Variants in SYT17 observed in about 807,000 individuals in gnomAD.
The protein encoded by SYT17 is synaptotagmin 17, also known as synaptotagmin-17.
Under a neutral mutation model 46.7 loss-of-function variants are expected in SYT17, and 22 were observed. The observed-to-expected ratio is 0.47, with a 90% CI of 0.34 to 0.67. SYT17 has a LOEUF of 0.67. Ranked by LOEUF, SYT17 falls within the 30% of genes least tolerant of loss-of-function variation. The pLI is 0.01. For missense variants in SYT17, 519 were observed against 612.8 expected (o/e 0.85, Z 1.62); for synonymous variants, 251 against 248.4 (o/e 1.01, Z -0.10).
intron 7 of SYT17, among the ~76,000 whole-genome samples, chr16:19,258,857 G>C (rs774746748): frequency 6.6e-6 from 1 of 152,074 alleles, no homozygotes; most frequent in Non-Finnish European, 1.5e-5. Flanking sequence ...ATCCACTGAC[G>C]TCCTTAGCCC....
At position 19,176,708 on chromosome 16, in the gene SYT17, C is replaced by T. The variant is rs74653802; in HGVS notation, c.182+3130C>T. On this transcript the variant is annotated intron_variant, in intron 3 of 7. Transcript: ENST00000355377. Reference sequence around the variant, plus strand: ...AGACATCACCCCTTGTAGAGATAGGCGTCTCATTGTGTTGCCCAGGCTGGT... The same window carrying T: ...AGACATCACCCCTTGTAGAGATAGGTGTCTCATTGTGTTGCCCAGGCTGGT... Among the ~76,000 whole-genome samples, 1,411 of 152,174 alleles carry T rather than the reference C, an allele frequency of 9.3e-3. 29 individuals are homozygous for T. The highest frequency in any genetic ancestry group is 0.033 in the African/African-American group (1,352 of 41,518).
chr16:19,249,500 G>C (rs567117389), intron 7 of SYT17, among the ~76,000 whole-genome samples: 1 of 152,214 alleles, frequency 6.6e-6, no homozygotes, highest in Admixed American at 6.5e-5. Context: ...CATCAAATTA[G>C]ATACTTGGAA....
intron 7 of SYT17, among the ~76,000 whole-genome samples, chr16:19,242,870 G>A (rs892092843): frequency 6.6e-6 from 1 of 152,084 alleles, no homozygotes; most frequent in Non-Finnish European, 1.5e-5. Context: ...GTGTGCCTAA[G>A]GCTGATAGGC....
rs114963214 is a variant in SYT17, at chr16:19,186,843, C to T, written c.951+2696C>T. 5.6e-3 allele frequency among the ~76,000 whole-genome samples: 849 copies of T among 152,084 alleles called. 9 individuals are homozygous for T. Among genetic ancestry groups the T allele is most frequent in the African/African-American group, 0.019 (789 of 41,496 alleles). ...ATCTGCTCATTTCTTCATTCTGTTT[C>T]TCTTGAGGTCCTATTATGTGCCCGG... On this transcript the variant is annotated intron_variant, in intron 5 of 7. Transcript: ENST00000355377.
chr16:19,204,378 T>C (rs1965584375), intron 5 of SYT17, among the ~76,000 whole-genome samples: 1 of 151,772 alleles, frequency 6.6e-6, no homozygotes. Context: ...TGGACAGGCA[T>C]GGGGGGCTTG....
chr16:19,203,805 C>T (rs2142752217), intron 5 of SYT17, among the ~76,000 whole-genome samples: 1 of 152,344 alleles, frequency 6.6e-6, no homozygotes, highest in Middle Eastern at 3.4e-3. Flanking sequence ...CACAGGAAAG[C>T]ACGTGGCAGG....
chr16:19,212,396 A>G (rs903061656), intron 5 of SYT17, among the ~76,000 whole-genome samples: 2 of 152,086 alleles, frequency 1.3e-5, no homozygotes, highest in East Asian at 3.9e-4. Flanking sequence ...CAAGGTGGGC[A>G]GATCACTTGA....
chr16:19,235,968 AC>A lies in SYT17; in HGVS notation c.1228+11131del, dbSNP rs1460606897. On this transcript the variant is annotated intron_variant, in intron 7 of 7. Coordinates refer to ENST00000355377, the MANE Select transcript of SYT17 (RefSeq NM_016524.4). ...ATCAAAAAGGTTTAATGTTCATGTC[AC>A]ATGGATTCCAGAACATTTATGTCAC... Among the ~76,000 whole-genome samples the A allele has an allele frequency of 5.3e-5, 8 of 152,336 alleles. No homozygotes were observed. In the East Asian group the frequency reaches 1.5e-3, roughly 29 times the overall value.
intron 5 of SYT17, chr16:19,211,292 A>AG (rs113001440): frequency 1.6e-6 from 1 of 638,532 alleles, no homozygotes; most frequent in African/African-American, 1.8e-5. Context: ...TGGATAGGAC[A>AG]GGGGGTGGAA....
intron 5 of SYT17, among the ~76,000 whole-genome samples, chr16:19,219,123 CCG>C (rs1282861188): frequency 1.3e-4 from 1 of 7,708 alleles, no homozygotes; most frequent in African/African-American, 1.7e-3. Context: ...TAAAACAAGG[CCG>C]GGCGCGGTGG....
intron 3 of SYT17, among the ~76,000 whole-genome samples, chr16:19,175,322 A>C (rs747229093): frequency 6.6e-5 from 10 of 152,068 alleles, no homozygotes; most frequent in Non-Finnish European, 1.3e-4. Flanking sequence ...AGGTGTGTGT[A>C]GAGTTGAGAT....
intron 4 of SYT17, among the ~76,000 whole-genome samples, chr16:19,181,867 C>T (rs941264472): frequency 2.6e-5 from 4 of 151,870 alleles, no homozygotes; most frequent in Admixed American, 6.6e-5. Context: ...GGCATGGTAG[C>T]GCATGCCTGT....
chr16:19,195,973 G>A (rs528739603), intron 5 of SYT17, among the ~76,000 whole-genome samples: 2 of 152,050 alleles, frequency 1.3e-5, no homozygotes, highest in African/African-American at 4.8e-5. Flanking sequence ...TGACAGAGCC[G>A]GACCCTGTCT....
At chr16:19,201,413 G>A (rs938847034) in intron 5 of SYT17, among the ~76,000 whole-genome samples, 1 of 152,118 alleles carries the variant, frequency 6.6e-6, no homozygotes, top group African/African-American at 2.4e-5. Context: ...TTACACAGTA[G>A]GTTATCAGAA....
At chr16:19,206,403 C>T (rs764536757) in intron 5 of SYT17, among the ~76,000 whole-genome samples, 5 of 152,160 alleles carry the variant, frequency 3.3e-5, no homozygotes, top group African/African-American at 4.8e-5. Flanking sequence ...AGCGGCATGG[C>T]TGAGGTCACA....
chr16:19,220,307 T>C (rs12930640), intron 5 of SYT17, among the ~76,000 whole-genome samples: 5 of 47,836 alleles, frequency 1.0e-4, no homozygotes, highest in Non-Finnish European at 1.7e-4. Flanking sequence ...TTCTTTCTTT[T>C]TTTTTTTTTT....
chr16:19,197,498 G>C (rs1176747992), intron 5 of SYT17, among the ~76,000 whole-genome samples: 1 of 151,752 alleles, frequency 6.6e-6, no homozygotes, highest in Non-Finnish European at 1.5e-5. Flanking sequence ...GCCCAGAATG[G>C]AGTGCAGTGG....
At chr16:19,198,595 A>G in intron 5 of SYT17, among the ~76,000 whole-genome samples, 1 of 152,228 alleles carries the variant, frequency 6.6e-6, no homozygotes, top group East Asian at 1.9e-4. Flanking sequence ...AGTTTGAGTA[A>G]CTTACCCAAG....
intron 7 of SYT17, among the ~76,000 whole-genome samples, chr16:19,235,037 A>G (rs977484983): frequency 6.6e-6 from 1 of 152,146 alleles, no homozygotes; most frequent in Admixed American, 6.6e-5. Context: ...GATTGGCAGT[A>G]TGGGGAGATA....
Sources: allele counts gnomAD v4.1 joint callset (sites outside exome capture counted in the v4.1 genomes callset), GRCh38; gene constraint gnomAD v4.1.1; transcripts MANE v1.5; gene names NCBI Gene and HGNC (gene_info 2026-07-23, HGNC 2026-07-21).